EPHA10: variants seen among roughly 807,000 people sequenced by gnomAD.
EPHA10 encodes ephrin type-A receptor 10.
In EPHA10, 120 loss-of-function variants were observed where a neutral mutation model predicts 109.7. That is an observed-to-expected ratio of 1.09 (90% confidence interval 0.94 to 1.27). The LOEUF (loss-of-function observed/expected upper bound fraction) is 1.27, where lower values mean the gene tolerates loss of function less well. Ranked by LOEUF, EPHA10 falls within the 50% of genes most tolerant of loss-of-function variation. The pLI, the probability that EPHA10 is intolerant of heterozygous loss-of-function variation, is 0.00. For synonymous variants in EPHA10, 640 were observed against 618.9 expected, an observed-to-expected ratio of 1.03 and a Z score of -0.51; for missense variants, 1,396 against 1,411.1, an observed-to-expected ratio of 0.99 and a Z score of 0.17.
chr1:37,735,367 G>A lies in EPHA10; in HGVS notation c.1381C>T (p.Arg461Cys). 2 of 1,579,892 alleles carry A rather than the reference G, an allele frequency of 1.3e-6. No individual in the cohort carries two copies. The highest frequency in any genetic ancestry group is 1.2e-5 in the South Asian group (1 of 86,086). The change falls in exon 6 of 17, where the codon CGC (arginine) becomes TGC (cysteine). Residue 461 changes from arginine to cysteine, a missense_variant. Transcript: ENST00000373048. ...CTCTGGGGTTCCACTCGGTCCCTGCGGATCTCATCCTCCTCCCAGGGCGCT... is the reference window on the plus strand; with the variant it reads ...CTCTGGGGTTCCACTCGGTCCCTGCAGATCTCATCCTCCTCCCAGGGCGCT... Reference protein sequence around the residue: ...PGAPWEEDEIRRDRVEPQSVS... With the variant: ...PGAPWEEDEICRDRVEPQSVS...
At chr1:37,741,417 A>G (rs1053592656) in intron 5 of EPHA10, among the ~76,000 whole-genome samples, 17 of 152,226 alleles carry the variant, frequency 1.1e-4, no homozygotes, top group Non-Finnish European at 2.5e-4. Context: ...TAGGTGGCTC[A>G]GGCTCTGACA....
At chr1:37,762,124 G>A in intron 2 of EPHA10, 41 bp from the exon 3 acceptor site, 2 of 1,525,906 alleles carry the variant, frequency 1.3e-6, no homozygotes, top group African/African-American at 1.4e-5. Flanking sequence ...CAGAGCCAAA[G>A]TGCTTCCAGG....
At chr1:37,762,873 T>C (rs1557561805) in intron 1 of EPHA10, 24 bp from the exon 2 acceptor site, 1 of 1,545,536 alleles carries the variant, frequency 6.5e-7, no homozygotes, top group South Asian at 1.2e-5. Context: ...AAGACAGAAA[T>C]ATCAGAAATC....
At chr1:37,757,063 G>A (rs2148368614) in intron 3 of EPHA10, among the ~76,000 whole-genome samples, 1 of 152,244 alleles carries the variant, frequency 6.6e-6, no homozygotes. Flanking sequence ...CCTGGCTCAA[G>A]CAATCCTCCT....
chr1:37,722,088 G>A (rs1645807624), intron 10 of EPHA10: 1 of 426,694 alleles, frequency 2.3e-6, no homozygotes, highest in East Asian at 4.1e-5. Context: ...CTGAGATTGT[G>A]CCACTGCACT....
At chr1:37,719,083 G>A (rs145581171) in intron 15 of EPHA10, 2 of 596,466 alleles carry the variant, frequency 3.4e-6, no homozygotes, top group Non-Finnish European at 5.9e-6. Flanking sequence ...GGACTGGTTG[G>A]TGACTCATAT....
intron 5 of EPHA10, among the ~76,000 whole-genome samples, chr1:37,748,771 G>T (rs907587836): frequency 6.6e-6 from 1 of 151,934 alleles, no homozygotes; most frequent in African/African-American, 2.4e-5. Flanking sequence ...TGCTTAATAA[G>T]CATTTTATAA....
chr1:37,737,434 A>G (rs1232977956), intron 5 of EPHA10, among the ~76,000 whole-genome samples: 2 of 152,260 alleles, frequency 1.3e-5, no homozygotes, highest in Non-Finnish European at 2.9e-5. Flanking sequence ...AACAGAATAC[A>G]GAGCCCAGAA....
chr1:37,715,746 A>G (rs574522889), downstream of EPHA10: 2 of 382,064 alleles, frequency 5.2e-6, no homozygotes, highest in East Asian at 5.5e-5. Context: ...ACTGGGTAAC[A>G]GACTTCTCTA....
chr1:37,761,042 C>CCAGTGCA (rs1276481255), intron 3 of EPHA10: 3 of 660,082 alleles, frequency 4.5e-6, no homozygotes, highest in African/African-American at 3.8e-5. Context: ...CAAGATCAAG[C>CCAGTGCA]CAGTGCACTC....
intron 3 of EPHA10, chr1:37,760,655 G>T (rs1439603625): frequency 1.4e-5 from 3 of 218,518 alleles, no homozygotes; most frequent in East Asian, 1.4e-4. Context: ...ATGCACTGAG[G>T]AGACCTCATG....
Position 37,753,233 on chromosome 1 carries a change from C to T in EPHA10, c.1007-7G>A, listed in dbSNP as rs1168164248. The T allele has an allele frequency of 4.6e-6, 5 of 1,092,534 alleles. No homozygotes were observed. In the African/African-American group the frequency reaches 7.7e-5, roughly 17 times the overall value. 67.7% of individuals were successfully genotyped at this position (1,092,534 alleles called of 1,614,324 possible). A position where few individuals can be genotyped will look rare whatever the true frequency, so the allele number is the denominator to read the frequency against. The stretch of plus-strand genomic sequence containing the variant: ...CGCGGCGCCGACGGCGGCCCTGAGG[C>T]GGCACAGGGGCGGGGCGGTCAGGGC... On this transcript the variant is annotated splice_region_variant and splice_polypyrimidine_tract_variant and intron_variant, in intron 4 of 16. Transcript: ENST00000373048.
intron 3 of EPHA10, among the ~76,000 whole-genome samples, chr1:37,757,989 C>T (rs895203977): frequency 4.6e-5 from 7 of 152,198 alleles, no homozygotes; most frequent in African/African-American, 1.7e-4. Context: ...TGTTGAAGGC[C>T]AGCCCCTCTG....
rs1267540061 is a variant in EPHA10, at chr1:37,716,874, G to A, written c.*1498C>T. On this transcript the variant is annotated 3_prime_UTR_variant, in exon 17 of 17. Transcript: ENST00000373048. ...TCCCCCTCCAGCCCACCTACCCACT[G>A]ACCCAGAGGGCTCCTGGGGGGCCCT... 1 of 232,978 alleles carries A rather than the reference G, an allele frequency of 4.3e-6. No individual in the cohort carries two copies. Among genetic ancestry groups the A allele is most frequent in the Non-Finnish European group, 8.5e-6 (1 of 117,998 alleles). 14.4% of individuals were successfully genotyped at this position (232,978 alleles called of 1,614,324 possible).
rs1645714832 is a variant in EPHA10, at chr1:37,717,736, C to T, written c.*636G>A. On this transcript the variant is annotated 3_prime_UTR_variant, in exon 17 of 17. Coordinates refer to ENST00000373048, the MANE Select transcript of EPHA10 (RefSeq NM_001099439.2). ...ACTGTCAGCCCAAGGCAGGGGGACACAGAAACCAGATCCTGAGTCTAGGGC... is the reference window on the plus strand; with the variant it reads ...ACTGTCAGCCCAAGGCAGGGGGACATAGAAACCAGATCCTGAGTCTAGGGC... 1 of 231,274 alleles carries T rather than the reference C, an allele frequency of 4.3e-6. No individual in the cohort carries two copies. The highest frequency in any genetic ancestry group is 1.8e-4 in the South Asian group (1 of 5,516). The allele number at this position is 231,274 out of a possible 1,614,324, so 14.3% of individuals were successfully genotyped here.
At chr1:37,749,213 G>A (rs1472870823) in intron 5 of EPHA10, among the ~76,000 whole-genome samples, 3 of 151,326 alleles carry the variant, frequency 2.0e-5, no homozygotes, top group Non-Finnish European at 4.4e-5. Flanking sequence ...GTGAGCCACT[G>A]TGCCCAGCCC....
chr1:37,741,700 C>T (rs934485789), intron 5 of EPHA10, among the ~76,000 whole-genome samples: 2 of 151,996 alleles, frequency 1.3e-5, no homozygotes, highest in African/African-American at 4.8e-5. Flanking sequence ...GGCATTGCCT[C>T]CCATTCTAAA....
At chr1:37,730,188 C>T (rs1645959061) in intron 7 of EPHA10, among the ~76,000 whole-genome samples, 1 of 152,164 alleles carries the variant, frequency 6.6e-6, no homozygotes, top group Non-Finnish European at 1.5e-5. Flanking sequence ...CAGCACCTGG[C>T]CGAGGTCTGA....
intron 5 of EPHA10, among the ~76,000 whole-genome samples, chr1:37,738,995 C>T (rs1646112428): frequency 6.6e-6 from 1 of 152,072 alleles, no homozygotes; most frequent in African/African-American, 2.4e-5. Flanking sequence ...ACACCGGGGC[C>T]TGTCGCGGGG....
Sources: gnomAD v4.1 joint callset for allele counts (sites outside exome capture counted in the v4.1 genomes callset) on GRCh38, gnomAD v4.1.1 for gene constraint, MANE v1.5 for transcripts, NCBI Gene and HGNC (gene_info 2026-07-23, HGNC 2026-07-21) for gene names.